The following DCUN1D5 variants were observed in gnomAD, a reference collection of about 807,000 sequenced individuals.
DCUN1D5 encodes defective in cullin neddylation 1 domain containing 5, also known as DCN1-like protein 5.
Under a neutral mutation model 38.3 loss-of-function variants are expected in DCUN1D5, and 10 were observed. The observed-to-expected ratio is 0.26, with a 90% CI of 0.16 to 0.44. DCUN1D5 has a LOEUF of 0.44. DCUN1D5 is among the 20% of genes least tolerant of loss of function. The pLI is 1.00. For missense variants in DCUN1D5, 148 were observed against 275.3 expected (o/e 0.54, Z 3.27); for synonymous variants, 93 against 90.9 (o/e 1.02, Z -0.13).
In DCUN1D5 at chr11:103,066,524, G is replaced by A. The variant is rs762750016; in HGVS notation, c.385C>T (p.Arg129Cys). ...GACGAAATATCATTCAACTGTGAGC[G>A]CAAAAAGTCAAATTTGTTTTGTAAC... Reference protein sequence around the residue: ...EKLQNKFDFLRSQLNDISSFK... With the variant: ...EKLQNKFDFLCSQLNDISSFK... Residue 129 changes from arginine (R) to cysteine (C), a missense_variant, in exon 5 of 8, where the codon CGC (arginine) becomes TGC (cysteine). Physicochemically the swap from Arg to Cys is radical, Grantham distance 180 (BLOSUM62 -3). Transcript: ENST00000260247. The surrounding 1 kb of genome is among the most constrained non-coding windows in gnomAD (Gnocchi z 4.7). 2.4e-5 allele frequency: 39 copies of A among 1,611,498 alleles called. No homozygotes were observed. Among genetic ancestry groups the A allele is most frequent in the Non-Finnish European group, 2.8e-5 (33 of 1,178,696 alleles).
chr11:103,085,002 A>T (rs1031844080), intron 2 of DCUN1D5, among the ~76,000 whole-genome samples: 13 of 152,286 alleles, frequency 8.5e-5, no homozygotes, highest in African/African-American at 2.9e-4. Flanking sequence ...AATAAAAAAT[A>T]AAAAATTAAG....
At chr11:103,076,571 A>G (rs950761456) in intron 4 of DCUN1D5, among the ~76,000 whole-genome samples, 24 of 152,250 alleles carry the variant, frequency 1.6e-4, no homozygotes, top group Admixed American at 1.2e-3. Flanking sequence ...TGTGGCTTTC[A>G]GCAAGTTACT....
In DCUN1D5 at chr11:103,057,543, AAAAC is replaced by A. The variant is rs1283226335; in HGVS notation, c.*4812_*4815del. Among the ~76,000 whole-genome samples the A allele has an allele frequency of 6.7e-6, 1 of 149,476 alleles. No individual in the cohort carries two copies. Among genetic ancestry groups the A allele is most frequent in the Non-Finnish European group, 1.5e-5 (1 of 67,398 alleles). ...AACATGGTGAAATCCCATCTTTACT[AAAAC>A]AAACAAAAAAAAAAATACAAAACTT... On this transcript the variant is annotated 3_prime_UTR_variant, in exon 8 of 8. Coordinates refer to ENST00000260247, the MANE Select transcript of DCUN1D5 (RefSeq NM_032299.4). The surrounding 1 kb of genome is among the most constrained non-coding windows in gnomAD (Gnocchi z 4.8).
rs1862321262 is a variant in DCUN1D5 at position 103,073,082 on chromosome 11, C to G, written c.342-6515G>C. ...AAACATATAAAAATCAATTGTATTT[C>G]TATATATTAGTAATGAACATGTGGA... On this transcript the variant is annotated intron_variant, in intron 4 of 7. Coordinates refer to ENST00000260247, the MANE Select transcript of DCUN1D5 (RefSeq NM_032299.4). The surrounding 1 kb of genome is among the most constrained non-coding windows in gnomAD (Gnocchi z 4.2). Among the ~76,000 whole-genome samples, 1 of 151,960 alleles carries G rather than the reference C, an allele frequency of 6.6e-6. No individual in the cohort carries two copies. The highest frequency in any genetic ancestry group is 2.4e-5 in the African/African-American group (1 of 41,360).
Position 103,061,496 on chromosome 11 carries a change from T to C in DCUN1D5, c.*863A>G, listed in dbSNP as rs2134597613. Among the ~76,000 whole-genome samples the C allele has an allele frequency of 1.3e-5, 2 of 152,074 alleles. No individual in the cohort carries two copies. Among genetic ancestry groups the C allele is most frequent in the Middle Eastern group, 6.8e-3 (2 of 294 alleles). On this transcript the variant is annotated 3_prime_UTR_variant, in exon 8 of 8. Transcript: ENST00000260247. ...AATGGCTCTATTGAGTTGTGCACAA[T>C]TAATTATACCCAGAGTTCTCTCATG... is the stretch of plus-strand genomic sequence containing the variant.
chr11:103,081,772 T>C (rs1352949190), intron 4 of DCUN1D5, among the ~76,000 whole-genome samples: 1 of 152,088 alleles, frequency 6.6e-6, no homozygotes, highest in Non-Finnish European at 1.5e-5. Flanking sequence ...AAAATAAATA[T>C]ATAAAATATC....
chr11:103,058,805 T>C lies in DCUN1D5; in HGVS notation c.*3554A>G, dbSNP rs1239272219. ...AATGTTTCCTTGTGATGATTTCTAA[T>C]GTCACTCAAAAAGTGGTATTTCCTC... On this transcript the variant is annotated 3_prime_UTR_variant, in exon 8 of 8. Transcript: ENST00000260247. Among the ~76,000 whole-genome samples, 1 of 152,136 alleles carries C rather than the reference T, an allele frequency of 6.6e-6. No homozygotes were observed. The highest frequency in any genetic ancestry group is 2.4e-5 in the African/African-American group (1 of 41,438).
intron 1 of DCUN1D5, among the ~76,000 whole-genome samples, chr11:103,089,990 G>C (rs561035398): frequency 6.6e-6 from 1 of 151,858 alleles, no homozygotes; most frequent in Non-Finnish European, 1.5e-5. Context: ...ACTAAAATTT[G>C]GTAAGTTCAA....
rs150126835 is a variant in DCUN1D5 at position 103,052,247 on chromosome 11, G to A, written c.*10112C>T. 9 of 152,244 alleles carry A rather than the reference G, an allele frequency of 5.9e-5. No individual in the cohort carries two copies. The highest frequency in any genetic ancestry group is 5.2e-4 in the Admixed American group (8 of 15,282). 9.4% of individuals were successfully genotyped at this position (152,244 alleles called of 1,614,324 possible). ...AAGAATCTCAGTCTAATGGGAATGT[G>A]GATATGTAAACGTTTTACAGACATA... On this transcript the variant is annotated 3_prime_UTR_variant, in exon 8 of 8. Coordinates refer to ENST00000260247, the MANE Select transcript of DCUN1D5 (RefSeq NM_032299.4).
intron 4 of DCUN1D5, among the ~76,000 whole-genome samples, chr11:103,074,976 A>G (rs1196958504): frequency 1.3e-5 from 2 of 152,222 alleles, no homozygotes; most frequent in Admixed American, 1.3e-4. Context: ...TGCTTCCATT[A>G]CAAACAGGGG....
chr11:103,090,538 C>T (rs1365173766), intron 1 of DCUN1D5, among the ~76,000 whole-genome samples: 1 of 152,198 alleles, frequency 6.6e-6, no homozygotes, highest in African/African-American at 2.4e-5. Context: ...GCTACAGTCT[C>T]CTTTCAATAG....
At chr11:103,085,771 T>G (rs970165782) in intron 2 of DCUN1D5, among the ~76,000 whole-genome samples, 2 of 152,240 alleles carry the variant, frequency 1.3e-5, no homozygotes, top group Admixed American at 1.3e-4. Flanking sequence ...TTAACTCTTT[T>G]GGACAACTAG....
rs142072735 is a variant in DCUN1D5, at chr11:103,073,019, C to T, written c.342-6452G>A. Among the ~76,000 whole-genome samples the T allele has an allele frequency of 4.4e-3, 670 of 152,060 alleles. 3 individuals carry two copies. Among genetic ancestry groups the T allele is most frequent in the Non-Finnish European group, 4.5e-3 (305 of 67,982 alleles). On this transcript the variant is annotated intron_variant, in intron 4 of 7. Transcript: ENST00000260247. This position sits in a 1 kb window ranked among gnomAD's most constrained non-coding sequence, Gnocchi z 4.2. ...GGTCTATACAGAAAACATCTTAGAACGAACAGGTGAGTTCAGCAAGGTCAC... is the reference window on the plus strand; with the variant it reads ...GGTCTATACAGAAAACATCTTAGAATGAACAGGTGAGTTCAGCAAGGTCAC...
In DCUN1D5 at chr11:103,060,704, T is replaced by C. The variant is rs1294628069; in HGVS notation, c.*1655A>G. On this transcript the variant is annotated 3_prime_UTR_variant, in exon 8 of 8. Transcript: ENST00000260247. ...TATTACCATTAGTTCAGGTTACAAATGGACAATTTATAAGATTTTGCTTAT... is the reference window on the plus strand; with the variant it reads ...TATTACCATTAGTTCAGGTTACAAACGGACAATTTATAAGATTTTGCTTAT... Among the ~76,000 whole-genome samples the C allele has an allele frequency of 1.3e-5, 2 of 152,194 alleles. No individual in the cohort carries two copies. Among genetic ancestry groups the C allele is most frequent in the African/African-American group, 2.4e-5 (1 of 41,464 alleles).
chr11:103,062,255 T>C lies in DCUN1D5; in HGVS notation c.*104A>G. ...AAAAAAAAGTACTATGAGAAGTCTTTCATATGAATGAAAATGCACCCGTTG... is the reference window on the plus strand; with the variant it reads ...AAAAAAAAGTACTATGAGAAGTCTTCCATATGAATGAAAATGCACCCGTTG... On this transcript the variant is annotated 3_prime_UTR_variant, in exon 8 of 8. Transcript: ENST00000260247. The surrounding 1 kb of genome is among the most constrained non-coding windows in gnomAD (Gnocchi z 4.6). 2 of 1,128,748 alleles carry C rather than the reference T, an allele frequency of 1.8e-6. No homozygotes were observed. The highest frequency in any genetic ancestry group is 2.6e-5 in the South Asian group (2 of 75,476). 69.9% of individuals were successfully genotyped at this position (1,128,748 alleles called of 1,614,324 possible). A position where few individuals can be genotyped will look rare whatever the true frequency, so the allele number is the denominator to read the frequency against.
In DCUN1D5 at chr11:103,054,680, C is replaced by A. The variant is rs1381247470; in HGVS notation, c.*7679G>T. 6.6e-6 allele frequency: 1 copy of A among 152,052 alleles called. No individual in the cohort carries two copies. The highest frequency in any genetic ancestry group is 1.9e-4 in the East Asian group (1 of 5,190). 9.4% of individuals were successfully genotyped at this position (152,052 alleles called of 1,614,324 possible). A position where few individuals can be genotyped will look rare whatever the true frequency, so the allele number is the denominator to read the frequency against. On this transcript the variant is annotated 3_prime_UTR_variant, in exon 8 of 8. Coordinates refer to ENST00000260247, the MANE Select transcript of DCUN1D5 (RefSeq NM_032299.4). ...TTTTCATGTCCAGGATTTCTTCTGA[C>A]TGGCTTTAATATTCATATATGTGGT...
Position 103,066,643 on chromosome 11 carries a change from AT to A in DCUN1D5, c.342-77del. ...AAAGTATCACTGGGGGTTAGACGTA[AT>A]GCATTAAGAAAAAAGTGAGCGCATT... On this transcript the variant is annotated intron_variant, in intron 4 of 7. Coordinates refer to ENST00000260247, the MANE Select transcript of DCUN1D5 (RefSeq NM_032299.4). This position sits in a 1 kb window ranked among gnomAD's most constrained non-coding sequence, Gnocchi z 4.7. 1.2e-6 allele frequency: 1 copy of A among 807,898 alleles called. No individual in the cohort carries two copies. 50.0% of individuals were successfully genotyped at this position (807,898 alleles called of 1,614,324 possible). A position where few individuals can be genotyped will look rare whatever the true frequency, so the allele number is the denominator to read the frequency against.
rs1013748080 is a variant in DCUN1D5, at chr11:103,060,818, A to C, written c.*1541T>G. Reference sequence around the variant, plus strand: ...TAAATTATAAATTTAAAGGTCTACAAATCTAAATGCTTTCCTTATAATAAA... The same window carrying C: ...TAAATTATAAATTTAAAGGTCTACACATCTAAATGCTTTCCTTATAATAAA... On this transcript the variant is annotated 3_prime_UTR_variant, in exon 8 of 8. Coordinates refer to ENST00000260247, the MANE Select transcript of DCUN1D5 (RefSeq NM_032299.4). Among the ~76,000 whole-genome samples the C allele has an allele frequency of 1.4e-4, 21 of 152,290 alleles. No individual in the cohort carries two copies. Among genetic ancestry groups the C allele is most frequent in the African/African-American group, 5.1e-4 (21 of 41,578 alleles).
chr11:103,091,620 G>T lies in DCUN1D5; in HGVS notation c.86+167C>A. On this transcript the variant is annotated intron_variant, in intron 1 of 7. Transcript: ENST00000260247. This position sits in a 1 kb window ranked among gnomAD's most constrained non-coding sequence, Gnocchi z 4.3. ...CGTGCACACACTCGAACACGAGGTCGGGTCGGGCGCGGAGACTCGCGGTGT... is the reference window on the plus strand; with the variant it reads ...CGTGCACACACTCGAACACGAGGTCTGGTCGGGCGCGGAGACTCGCGGTGT... 8.1e-7 allele frequency: 1 copy of T among 1,237,834 alleles called. No homozygotes were observed. The highest frequency in any genetic ancestry group is 1.1e-6 in the Non-Finnish European group (1 of 876,870). 76.7% of individuals were successfully genotyped at this position (1,237,834 alleles called of 1,614,324 possible).
Sources: allele counts gnomAD v4.1 joint callset (sites outside exome capture counted in the v4.1 genomes callset), GRCh38; gene constraint gnomAD v4.1.1; non-coding constraint Gnocchi (gnomAD v3.1); transcripts MANE v1.5; gene names NCBI Gene and HGNC (gene_info 2026-07-23, HGNC 2026-07-21).